SLC24A3: variants seen among roughly 807,000 people sequenced by gnomAD.
SLC24A3 encodes solute carrier family 24 member 3, also known as sodium/potassium/calcium exchanger 3.
In SLC24A3, 28 loss-of-function variants were observed where a neutral mutation model predicts 75.8. The observed-to-expected ratio is 0.37, with a 90% CI of 0.27 to 0.51. The LOEUF is 0.51. Ranked by LOEUF, SLC24A3 falls within the 20% of genes least tolerant of loss-of-function variation. SLC24A3 has a pLI of 0.94. For missense variants in SLC24A3, 663 were observed against 847.8 expected (o/e 0.78, Z 2.71); for synonymous variants, 372 against 334.1 (o/e 1.11, Z -1.24).
At chr20:19,623,559 G>T (rs2031831993) in intron 6 of SLC24A3, among the ~76,000 whole-genome samples, 1 of 152,034 alleles carries the variant, frequency 6.6e-6, no homozygotes, top group African/African-American at 2.4e-5. Context: ...AGCCACATAT[G>T]GCCACCCAAA....
intron 2 of SLC24A3, among the ~76,000 whole-genome samples, chr20:19,378,646 C>T (rs946489405): frequency 1.3e-5 from 2 of 152,018 alleles, no homozygotes; most frequent in African/African-American, 4.8e-5. Context: ...TACCTTCCAC[C>T]CAAGATGAAT....
At chr20:19,515,397 T>A in intron 2 of SLC24A3, 91 bp from the exon 3 acceptor site, 1 of 1,173,796 alleles carries the variant, frequency 8.5e-7, no homozygotes, top group East Asian at 2.4e-5. Flanking sequence ...TCCAAGTTCA[T>A]GGACCCCATG....
At chr20:19,647,481 A>G (rs1487124485) in intron 6 of SLC24A3, among the ~76,000 whole-genome samples, 1 of 152,214 alleles carries the variant, frequency 6.6e-6, no homozygotes, top group Non-Finnish European at 1.5e-5. Context: ...CAGTGAATGC[A>G]GATATCCTTA....
intron 2 of SLC24A3, among the ~76,000 whole-genome samples, chr20:19,324,477 C>T (rs1000969489): frequency 5.3e-5 from 8 of 152,162 alleles, no homozygotes; most frequent in African/African-American, 1.4e-4. Context: ...CTTTTAAGAA[C>T]GTATCTTTCT....
At chr20:19,222,646 T>C (rs1019502059) in intron 1 of SLC24A3, among the ~76,000 whole-genome samples, 4 of 152,128 alleles carry the variant, frequency 2.6e-5, no homozygotes, top group Non-Finnish European at 5.9e-5. Flanking sequence ...TATTCAGCCC[T>C]CACAACTGTG....
intron 3 of SLC24A3, among the ~76,000 whole-genome samples, chr20:19,522,737 C>T (rs1004448024): frequency 6.6e-6 from 1 of 151,784 alleles, no homozygotes; most frequent in Non-Finnish European, 1.5e-5. Flanking sequence ...CTCTCTGCAA[C>T]TGGTGTTGCT....
At chr20:19,393,796 C>T (rs1266726591) in intron 2 of SLC24A3, among the ~76,000 whole-genome samples, 1 of 152,078 alleles carries the variant, frequency 6.6e-6, no homozygotes, top group Non-Finnish European at 1.5e-5. Context: ...ACAAAATGAT[C>T]TACGTATTTA....
Position 19,572,063 on chromosome 20 carries a change from G to A in SLC24A3, c.349-7937G>A, listed in dbSNP as rs370151094. On this transcript the variant is annotated intron_variant, in intron 3 of 16. Transcript: ENST00000328041. ...AAAAGGTACATGACCTGAGCCAGGTGCAGTGGCTCACACCTGTAATCCCAG... is the reference window on the plus strand; with the variant it reads ...AAAAGGTACATGACCTGAGCCAGGTACAGTGGCTCACACCTGTAATCCCAG... Among the ~76,000 whole-genome samples, 10 of 152,312 alleles carry A rather than the reference G, an allele frequency of 6.6e-5. No homozygotes were observed. In the East Asian group the frequency reaches 1.4e-3, roughly 21 times the overall value.
At chr20:19,301,495 A>G (rs73284650) in intron 2 of SLC24A3, among the ~76,000 whole-genome samples, 3,197 of 152,302 alleles carry the variant, frequency 0.021, 45 homozygotes, top group African/African-American at 0.034. Flanking sequence ...GGTTATCCTC[A>G]GTGATGGGGA....
At chr20:19,431,791 G>A (rs2122453428) in intron 2 of SLC24A3, among the ~76,000 whole-genome samples, 1 of 151,740 alleles carries the variant, frequency 6.6e-6, no homozygotes, top group Admixed American at 6.6e-5. Context: ...TGAATTTGAG[G>A]AGTTCTCTCT....
chr20:19,282,813 G>T (rs1983701499), intron 2 of SLC24A3, among the ~76,000 whole-genome samples: 1 of 152,306 alleles, frequency 6.6e-6, no homozygotes, highest in East Asian at 1.9e-4. Flanking sequence ...TTGGGGGCAG[G>T]TGGTTGGTCT....
chr20:19,697,787 T>C (rs1224314155), intron 14 of SLC24A3, among the ~76,000 whole-genome samples: 3 of 152,234 alleles, frequency 2.0e-5, no homozygotes, highest in Admixed American at 2.0e-4. Flanking sequence ...TACAGGGCAG[T>C]TGGAAGATGA....
intron 2 of SLC24A3, among the ~76,000 whole-genome samples, chr20:19,510,262 A>G (rs1988517257): frequency 6.6e-6 from 1 of 152,236 alleles, no homozygotes; most frequent in African/African-American, 2.4e-5. Context: ...AACATGTTAC[A>G]ACCCTAAGTC....
intron 2 of SLC24A3, among the ~76,000 whole-genome samples, chr20:19,504,486 A>AT (rs1290736287): frequency 2.0e-5 from 3 of 152,086 alleles, no homozygotes; most frequent in African/African-American, 7.2e-5. Flanking sequence ...TTTCAAGTGC[A>AT]TTTTTTTTCT....
chr20:19,699,621 A>C (rs2032849176), intron 15 of SLC24A3, among the ~76,000 whole-genome samples: 1 of 152,240 alleles, frequency 6.6e-6, no homozygotes, highest in Non-Finnish European at 1.5e-5. Flanking sequence ...AGGAGTACTC[A>C]CAGATTACAT....
intron 3 of SLC24A3, among the ~76,000 whole-genome samples, chr20:19,563,066 G>T (rs1425245881): frequency 6.6e-6 from 1 of 152,106 alleles, no homozygotes; most frequent in Non-Finnish European, 1.5e-5. Flanking sequence ...TGGAAATATG[G>T]TGTTGCTTAA....
chr20:19,371,913 T>C (rs1400640244), intron 2 of SLC24A3, among the ~76,000 whole-genome samples: 1 of 152,152 alleles, frequency 6.6e-6, no homozygotes, highest in Non-Finnish European at 1.5e-5. Flanking sequence ...GCCCATCAGC[T>C]TCCTCAGACT....
chr20:19,570,073 G>C (rs2031028034), intron 3 of SLC24A3, among the ~76,000 whole-genome samples: 4 of 152,158 alleles, frequency 2.6e-5, no homozygotes, highest in Admixed American at 2.6e-4. Flanking sequence ...TATTAAGAAA[G>C]GGGGTTTAAT....
At chr20:19,304,764 G>A (rs1008290355) in intron 2 of SLC24A3, among the ~76,000 whole-genome samples, 7 of 152,130 alleles carry the variant, frequency 4.6e-5, no homozygotes, top group Admixed American at 4.6e-4. Context: ...ACCAACAAAA[G>A]CAGAGAAAAA....
Sources: gnomAD v4.1 joint callset for allele counts (sites outside exome capture counted in the v4.1 genomes callset) on GRCh38, gnomAD v4.1.1 for gene constraint, MANE v1.5 for transcripts, NCBI Gene and HGNC (gene_info 2026-07-23, HGNC 2026-07-21) for gene names.